Variants in MGAM observed in about 807,000 individuals in gnomAD.
MGAM encodes the protein alpha-1,4-glucosidase.
MGAM carries 253 observed loss-of-function variants against 358.8 expected under a neutral mutation model. That is an observed-to-expected ratio of 0.71 (90% CI 0.64 to 0.78). The LOEUF is 0.78. Among genes scored for constraint, MGAM ranks in the 30% least tolerant of loss-of-function variants. The probability of loss-of-function intolerance (pLI) is 0.00; values close to 1 mark genes in which losing one functional copy is unlikely to be tolerated. For missense variants in MGAM, 3,080 were observed against 3,432.6 expected (o/e 0.90, Z 2.57); for synonymous variants, 1,105 against 1,227.1 (o/e 0.90, Z 2.08).
chr7:142,102,663 G>A lies in MGAM; in HGVS notation c.7997G>A (p.Ser2666Asn), dbSNP rs771561286. 19 of 1,613,260 alleles carry A rather than the reference G, an allele frequency of 1.2e-5. No homozygotes were observed. Among genetic ancestry groups the A allele is most frequent in the Non-Finnish European group, 1.6e-5 (19 of 1,179,620 alleles). Residue 2666 changes from serine (S) to asparagine (N), a missense_variant, in exon 69 of 71, where the codon AGC becomes AAC. By Grantham distance (46) the Ser-to-Asn change is conservative. Around this residue, in one of 5 missense-constraint regions of MGAM, gnomAD observed 194 missense variants for 172.8 expected, o/e 1.12. Transcript: ENST00000475668. ...TYGKGLYYLA[S>N]FSASQNTMQS... ...GGGAAAGGACTCTATTACTTGGCCA[G>A]CTTTTCTGCCAGCCAGGTGAGTGTG...
Position 141,996,827 on chromosome 7 carries a change from T to C in MGAM, c.-3+897T>C, listed in dbSNP as rs182214780. On this transcript the variant is annotated intron_variant, in intron 1 of 70. Coordinates refer to ENST00000475668, the MANE Select transcript of MGAM (RefSeq NM_001365693.1). Reference sequence around the variant, plus strand: ...TTATGAGTTGGTGTGCATTGGTGGGTAGGAGAGGTTTCCTGTGGAATGTGG... The same window carrying C: ...TTATGAGTTGGTGTGCATTGGTGGGCAGGAGAGGTTTCCTGTGGAATGTGG... 2.6e-5 allele frequency among the ~76,000 whole-genome samples: 4 copies of C among 152,120 alleles called. No homozygotes were observed. In the East Asian group the frequency reaches 7.7e-4, roughly 29 times the overall value.
rs782270161 is a variant in MGAM at position 142,005,626 on chromosome 7, G to A, written c.96G>A (p.Val32=). 4 of 1,598,552 alleles carry A rather than the reference G, an allele frequency of 2.5e-6. No individual in the cohort carries two copies. In the African/African-American group the frequency reaches 4.0e-5, roughly 16 times the overall value. ...TTATCATCAGTATTGTTCTAATTGT[G>A]CTTTTAGCCAAAGAGTCACTGAAAT... is the stretch of plus-strand genomic sequence containing the variant. ...VLFIISIVLI[V]LLAKESLKST... The change falls in exon 2 of 71, where the codon GTG becomes GTA. Residue 32 remains valine (V), a synonymous_variant. Coordinates refer to ENST00000475668, the MANE Select transcript of MGAM (RefSeq NM_001365693.1).
In MGAM at chr7:142,059,563, G is replaced by T. The variant is rs769721754; in HGVS notation, c.3911G>T (p.Arg1304Leu). 1 of 1,612,838 alleles carries T rather than the reference G, an allele frequency of 6.2e-7. No individual in the cohort carries two copies. Among genetic ancestry groups the T allele is most frequent in the Non-Finnish European group, 8.5e-7 (1 of 1,179,034 alleles). The change falls in exon 32 of 71, where the codon CGC becomes CTC. Residue 1304 changes from arginine to leucine, a missense_variant. Arg to Leu is a moderately radical substitution (Grantham distance 102, BLOSUM62 -2). Transcript: ENST00000475668. ...KFAGFPALIN[R>L]MKADGMRVIL... ...GCTGGGTTTCCAGCTCTGATCAATCGCATGAAGGCTGATGGGATGCGGGTC... is the reference window on the plus strand; with the variant it reads ...GCTGGGTTTCCAGCTCTGATCAATCTCATGAAGGCTGATGGGATGCGGGTC...
rs765860175 is a variant in MGAM, at chr7:142,078,813, C to T, written c.5652C>T (p.Ser1884=). 5.0e-5 allele frequency: 78 copies of T among 1,553,536 alleles called. 13 individuals are homozygous for T. The Middle Eastern group carries it at 1.7e-3, about 33-fold the overall frequency. ...ACTTTGGCCTTACTTTTCAGGCATC[C>T]AATTCTTCTGGAGTCCCTTTTTGCT... ...CTARGCIWEA[S]NSSGVPFCYF... is the part of the protein sequence containing the mutation. The change falls in exon 49 of 71, where the codon TCC becomes TCT. Residue 1884 remains serine (S), a synonymous_variant. Coordinates refer to ENST00000475668, the MANE Select transcript of MGAM (RefSeq NM_001365693.1).
chr7:142,045,100 TTA>T (rs1809894199), intron 21 of MGAM, among the ~76,000 whole-genome samples: 1 of 74,968 alleles, frequency 1.3e-5, no homozygotes, highest in African/African-American at 4.4e-5. Context: ...AATATGTATA[TTA>T]TATATACGTG....
intron 16 of MGAM, among the ~76,000 whole-genome samples, chr7:142,035,412 A>G (rs1479159995): frequency 6.6e-6 from 1 of 152,176 alleles, no homozygotes; most frequent in African/African-American, 2.4e-5. Context: ...GGGTAAAAAG[A>G]CCAACAGGGA....
At chr7:142,043,732 A>G (rs1343483148) in intron 21 of MGAM, among the ~76,000 whole-genome samples, 1 of 86,720 alleles carries the variant, frequency 1.2e-5, no homozygotes, top group Non-Finnish European at 2.7e-5. Context: ...GTAATATATA[A>G]TATATACATT....
At chr7:142,047,675 C>T in intron 21 of MGAM, 110 bp from the exon 22 acceptor site, 1 of 970,086 alleles carries the variant, frequency 1.0e-6, no homozygotes, top group East Asian at 2.5e-5. Context: ...AAAGCAGAAC[C>T]ATCTGCTGCT....
intron 70 of MGAM, among the ~76,000 whole-genome samples, chr7:142,103,961 C>T (rs1444717794): frequency 6.6e-6 from 1 of 151,806 alleles, no homozygotes; most frequent in African/African-American, 2.4e-5. Context: ...CAGGTTCATG[C>T]CATTCTTCTG....
chr7:142,015,015 G>A (rs1233377325), intron 3 of MGAM, among the ~76,000 whole-genome samples: 4 of 151,998 alleles, frequency 2.6e-5, no homozygotes, highest in African/African-American at 9.7e-5. Flanking sequence ...GATCTCCAAA[G>A]TGGCTGTGCC....
chr7:142,041,889 A>C (rs1444781414), intron 21 of MGAM, among the ~76,000 whole-genome samples: 2 of 42,734 alleles, frequency 4.7e-5, no homozygotes, highest in East Asian at 4.4e-4. Flanking sequence ...TATACGTATA[A>C]TATATAATAT....
intron 10 of MGAM, among the ~76,000 whole-genome samples, chr7:142,029,849 AGGGTACATTTTATTCT>A (rs1210912208): frequency 6.6e-6 from 1 of 152,186 alleles, no homozygotes; most frequent in Non-Finnish European, 1.5e-5. Flanking sequence ...GTTGTAGAGA[AGGGTACATTTTATTCT>A]GGGCTTCACT....
chr7:142,062,908 G>C (rs1324218223), intron 35 of MGAM, among the ~76,000 whole-genome samples: 4 of 152,178 alleles, frequency 2.6e-5, no homozygotes, highest in Admixed American at 1.3e-4. Flanking sequence ...TGTAAAACCT[G>C]TGAGGCGGGA....
chr7:142,069,196 G>A (rs1813116929), intron 43 of MGAM, among the ~76,000 whole-genome samples: 2 of 146,332 alleles, frequency 1.4e-5, no homozygotes, highest in African/African-American at 4.9e-5. Flanking sequence ...GCACACAAGT[G>A]ATTAGGCAAT....
chr7:142,002,796 C>G (rs1056896863), intron 1 of MGAM, among the ~76,000 whole-genome samples: 2 of 152,018 alleles, frequency 1.3e-5, no homozygotes, highest in Non-Finnish European at 2.9e-5. Flanking sequence ...CAAATTACCT[C>G]TGTTCACTGA....
intron 4 of MGAM, 52 bp from the exon 5 acceptor site, chr7:142,020,922 T>C: frequency 8.1e-7 from 1 of 1,237,180 alleles, no homozygotes; most frequent in South Asian, 1.2e-5. Context: ...GTAGCTATTA[T>C]TTGAGAATTT....
intron 37 of MGAM, 22 bp from the exon 38 acceptor site, chr7:142,065,313 C>G: frequency 6.2e-7 from 1 of 1,601,062 alleles, no homozygotes; most frequent in Non-Finnish European, 8.5e-7. Context: ...CCTCAGTTCA[C>G]CTCCTGTTCC....
At position 142,100,878 on chromosome 7, in the gene MGAM, G is replaced by A; in HGVS notation, c.7951G>A (p.Gly2651Arg). ...TAGGWLFWDD[G>R]QSIDTYGKGL... Reference sequence around the variant, plus strand: ...TGGGGGCTGGCTCTTCTGGGATGATGGGCAAAGCATTGGTGAGTAGAGGTT... The same window carrying A: ...TGGGGGCTGGCTCTTCTGGGATGATAGGCAAAGCATTGGTGAGTAGAGGTT... The change falls in exon 68 of 71, where the codon GGG becomes AGG. Residue 2651 changes from glycine (G) to arginine (R), a missense_variant. Around this residue, in one of 5 missense-constraint regions of MGAM, gnomAD observed 194 missense variants for 172.8 expected, o/e 1.12. Transcript: ENST00000475668. 1 of 1,612,980 alleles carries A rather than the reference G, an allele frequency of 6.2e-7. No homozygotes were observed. Among genetic ancestry groups the A allele is most frequent in the South Asian group, 1.1e-5 (1 of 90,648 alleles).
At position 142,078,983 on chromosome 7, in the gene MGAM, A is replaced by T. The variant is rs1257847311; in HGVS notation, c.5822A>T (p.His1941Leu). Residue 1941 changes from histidine (H) to leucine (L), a missense_variant, in exon 49 of 71, where the codon CAT becomes CTT. Physicochemically the swap from His to Leu is moderately conservative, Grantham distance 99. Coordinates refer to ENST00000475668, the MANE Select transcript of MGAM (RefSeq NM_001365693.1). ...CCCCTTCGCCTGGATGTCACTTACCATAAGAATGAAATGCTACAGTTCAAG... is the reference window on the plus strand; with the variant it reads ...CCCCTTCGCCTGGATGTCACTTACCTTAAGAATGAAATGCTACAGTTCAAG... ...VNPLRLDVTY[H>L]KNEMLQFKIY... 1 of 1,555,098 alleles carries T rather than the reference A, an allele frequency of 6.4e-7. No individual in the cohort carries two copies. The highest frequency in any genetic ancestry group is 1.3e-5 in the African/African-American group (1 of 74,622).
Sources: gnomAD v4.1 joint callset for allele counts (sites outside exome capture counted in the v4.1 genomes callset) on GRCh38, gnomAD v4.1.1 for gene constraint, gnomAD v4.1.1 regional missense constraint, MANE v1.5 for transcripts, NCBI Gene and HGNC (gene_info 2026-07-23, HGNC 2026-07-21) for gene names.